The following DCC variants were observed in gnomAD, a reference collection of about 807,000 sequenced individuals.
DCC encodes the protein DCC netrin 1 receptor, also known as netrin receptor DCC.
Under a neutral mutation model 172.5 loss-of-function variants are expected in DCC, and 58 were observed. That is an observed-to-expected ratio of 0.34 (90% CI 0.27 to 0.42). The LOEUF is 0.42. Ranked by LOEUF, DCC falls within the 10% of genes least tolerant of loss-of-function variation. The pLI is 1.00. For missense variants in DCC, 1,740 were observed against 1,791.0 expected (o/e 0.97, Z 0.51); for synonymous variants, 709 against 644.5 (o/e 1.10, Z -1.52).
At chr18:53,305,521 C>G in intron 12 of DCC, 57 bp from the exon 13 acceptor site, 1 of 1,451,160 alleles carries the variant, frequency 6.9e-7, no homozygotes, top group East Asian at 2.3e-5. Flanking sequence ...CTTCTTTGAC[C>G]CTGTCCCATT....
At chr18:52,848,606 G>A (rs113805465) in intron 2 of DCC, among the ~76,000 whole-genome samples, 4,081 of 151,826 alleles carry the variant, frequency 0.027, 162 homozygotes, top group African/African-American at 0.09. Context: ...TTGGAGTTTC[G>A]CATGTTTATT....
chr18:52,630,348 T>C (rs2034651851), intron 1 of DCC, among the ~76,000 whole-genome samples: 1 of 152,178 alleles, frequency 6.6e-6, no homozygotes, highest in Non-Finnish European at 1.5e-5. Context: ...ATGATCTAAA[T>C]GTGAGGTATT....
chr18:52,647,234 GA>G (rs975875660), intron 1 of DCC, among the ~76,000 whole-genome samples: 1 of 152,158 alleles, frequency 6.6e-6, no homozygotes, highest in African/African-American at 2.4e-5. Flanking sequence ...TGTCTCTTGG[GA>G]ATGTTGACTT....
At chr18:52,814,889 G>C (rs9953189) in intron 2 of DCC, among the ~76,000 whole-genome samples, 16,639 of 152,128 alleles carry the variant, frequency 0.11, 994 homozygotes, top group South Asian at 0.2. Flanking sequence ...GAGTGATTAG[G>C]ACCCTGGAAT....
chr18:52,661,519 A>C (rs1164252193), intron 1 of DCC, among the ~76,000 whole-genome samples: 1 of 152,214 alleles, frequency 6.6e-6, no homozygotes, highest in Non-Finnish European at 1.5e-5. Flanking sequence ...GGCTCTTCTC[A>C]TGCTGGAAAG....
intron 25 of DCC, among the ~76,000 whole-genome samples, chr18:53,472,205 C>T (rs563949351): frequency 6.6e-6 from 1 of 152,118 alleles, no homozygotes; most frequent in Non-Finnish European, 1.5e-5. Flanking sequence ...TTATGCGTCT[C>T]ATTGTTAGGT....
At chr18:52,659,212 G>T (rs1306127275) in intron 1 of DCC, among the ~76,000 whole-genome samples, 1 of 152,150 alleles carries the variant, frequency 6.6e-6, no homozygotes, top group Non-Finnish European at 1.5e-5. Context: ...TATCCATGAT[G>T]TAATTATAAA....
intron 2 of DCC, among the ~76,000 whole-genome samples, chr18:52,900,994 G>A (rs6508175): frequency 6.6e-5 from 10 of 152,180 alleles, no homozygotes; most frequent in Admixed American, 3.9e-4. Flanking sequence ...ACAACAAAGT[G>A]TATTGAGTAC....
At chr18:52,502,093 A>G (rs1000698292) in intron 1 of DCC, among the ~76,000 whole-genome samples, 4 of 152,214 alleles carry the variant, frequency 2.6e-5, no homozygotes, top group Non-Finnish European at 4.4e-5. Flanking sequence ...ATTTGCATGC[A>G]TGATTAAAAG....
chr18:52,610,181 ATATATATATAT>A (rs2034241178), intron 1 of DCC, among the ~76,000 whole-genome samples: 6 of 9,898 alleles, frequency 6.1e-4, no homozygotes, highest in Non-Finnish European at 4.8e-4. Flanking sequence ...AAAAAAAAAT[ATATATATATAT>A]ATATATATAT....
intron 1 of DCC, among the ~76,000 whole-genome samples, chr18:52,406,560 G>C (rs1164244926): frequency 6.6e-6 from 1 of 152,092 alleles, no homozygotes; most frequent in African/African-American, 2.4e-5. Flanking sequence ...ATGGGCTCCA[G>C]ATTCTTACAT....
chr18:52,944,494 C>CT (rs1405912376), intron 5 of DCC, among the ~76,000 whole-genome samples: 1 of 152,078 alleles, frequency 6.6e-6, no homozygotes, highest in African/African-American at 2.4e-5. Flanking sequence ...CCCAGTTTTT[C>CT]TTTAAGAGTT....
At chr18:53,039,261 A>G (rs567452694) in intron 5 of DCC, among the ~76,000 whole-genome samples, 10 of 152,026 alleles carry the variant, frequency 6.6e-5, no homozygotes, top group Non-Finnish European at 1.5e-4. Context: ...ATGCAGTTCT[A>G]TGGAGTTAAC....
chr18:53,047,743 G>A lies in DCC; in HGVS notation c.986-15562G>A, dbSNP rs117342882. Among the ~76,000 whole-genome samples, 1,213 of 151,284 alleles carry A rather than the reference G, an allele frequency of 8.0e-3. 6 individuals are homozygous for A. Among genetic ancestry groups the A allele is most frequent in the Non-Finnish European group, 0.013 (890 of 67,808 alleles). Reference sequence around the variant, plus strand: ...CTGAGGCATAGTCCAGGTAACAGACGCCTGGAGTCTGCTTACCACTAAAGA... The same window carrying A: ...CTGAGGCATAGTCCAGGTAACAGACACCTGGAGTCTGCTTACCACTAAAGA... On this transcript the variant is annotated intron_variant, in intron 5 of 28. Transcript: ENST00000442544.
At position 53,487,390 on chromosome 18, in the gene DCC, T is replaced by C. The variant is rs915036205; in HGVS notation, c.3898+432T>C. 3.9e-5 allele frequency among the ~76,000 whole-genome samples: 6 copies of C among 152,330 alleles called. No individual in the cohort carries two copies. The South Asian group carries it at 1.2e-3, about 32-fold the overall frequency. On this transcript the variant is annotated intron_variant, in intron 26 of 28. Transcript: ENST00000442544. The stretch of plus-strand genomic sequence containing the variant: ...ATTTCTTTAATCAGGTAAGTGATAC[T>C]TTTTCAGCTTTAAAAATTAATTATC...
chr18:53,070,252 G>A (rs56320826), intron 7 of DCC, among the ~76,000 whole-genome samples: 19,914 of 151,848 alleles, frequency 0.13, 1,399 homozygotes, highest in Non-Finnish European at 0.16. Flanking sequence ...CACCTGTCTC[G>A]GCCTCACAAA....
At position 53,178,979 on chromosome 18, in the gene DCC, C is replaced by T. The variant is rs752557178; in HGVS notation, c.1436C>T (p.Thr479Ile). Residue 479 changes from threonine to isoleucine, a missense_variant, in exon 9 of 29, where the codon ACA (threonine) becomes ATA (isoleucine). Thr to Ile is a moderately conservative substitution (Grantham distance 89). Coordinates refer to ENST00000442544, the MANE Select transcript of DCC (RefSeq NM_005215.4). ...TTTCTCAGGGAACGAGCATTGAATA[C>T]AACACAGCCTGGGTCCCTTCAGCTC... Reference protein sequence around the residue: ...EGDNRERALNTTQPGSLQLTV... With the variant: ...EGDNRERALNITQPGSLQLTV... The T allele has an allele frequency of 2.5e-5, 40 of 1,613,978 alleles. 1 individual carries two copies. In the Middle Eastern group the frequency reaches 6.6e-4, roughly 27 times the overall value.
chr18:53,089,051 A>G (rs1426249480), intron 7 of DCC, among the ~76,000 whole-genome samples: 1 of 152,166 alleles, frequency 6.6e-6, no homozygotes, highest in Non-Finnish European at 1.5e-5. Context: ...AGTTTTATAA[A>G]TCAATGCAAT....
At chr18:53,503,303 AT>A (rs1389071171) in intron 27 of DCC, among the ~76,000 whole-genome samples, 1 of 151,932 alleles carries the variant, frequency 6.6e-6, no homozygotes, top group Non-Finnish European at 1.5e-5. Context: ...CATTTCCTCA[AT>A]TTTTTTTCCT....
Sources: gnomAD v4.1 joint callset for allele counts (sites outside exome capture counted in the v4.1 genomes callset) on GRCh38, gnomAD v4.1.1 for gene constraint, MANE v1.5 for transcripts, NCBI Gene and HGNC (gene_info 2026-07-23, HGNC 2026-07-21) for gene names.